Variants in KCTD1 observed in about 807,000 individuals in gnomAD.
The protein encoded by KCTD1 is BTB/POZ domain-containing protein KCTD1.
Under a neutral mutation model 66.0 loss-of-function variants are expected in KCTD1, and 24 were observed. The observed-to-expected ratio is 0.36, with a 90% CI of 0.26 to 0.51. The LOEUF is 0.51. Ranked by LOEUF, KCTD1 falls within the 20% of genes least tolerant of loss-of-function variation. The probability of loss-of-function intolerance (pLI) is 0.95; values close to 1 mark genes in which losing one functional copy is unlikely to be tolerated. For missense variants in KCTD1, 943 were observed against 1,205.2 expected (o/e 0.78, Z 3.22); for synonymous variants, 511 against 517.2 (o/e 0.99, Z 0.16).
chr18:26,606,957 C>T (rs1479375560), intron 1 of KCTD1, among the ~76,000 whole-genome samples: 1 of 151,712 alleles, frequency 6.6e-6, no homozygotes, highest in East Asian at 1.9e-4. Context: ...ACTTATCTTT[C>T]TATCAAGACC....
chr18:26,639,968 C>A (rs372999141), intron 1 of KCTD1, among the ~76,000 whole-genome samples: 1 of 152,122 alleles, frequency 6.6e-6, no homozygotes, highest in African/African-American at 2.4e-5. Flanking sequence ...ATATTCTGAA[C>A]TGGGTTGTCA....
At chr18:26,470,078 C>G (rs1980969680) in intron 3 of KCTD1, among the ~76,000 whole-genome samples, 1 of 152,138 alleles carries the variant, frequency 6.6e-6, no homozygotes, top group South Asian at 2.1e-4. Context: ...GGAACAAGAG[C>G]CTAGTTTGCA....
intron 1 of KCTD1, among the ~76,000 whole-genome samples, chr18:26,505,167 T>C (rs1982967415): frequency 6.6e-6 from 1 of 152,256 alleles, no homozygotes; most frequent in South Asian, 2.1e-4. Context: ...TCATTTGGCT[T>C]GGGGGCCTTG....
At chr18:26,620,393 A>C (rs1987352658) in intron 1 of KCTD1, among the ~76,000 whole-genome samples, 1 of 143,890 alleles carries the variant, frequency 6.9e-6, no homozygotes, top group Non-Finnish European at 1.5e-5. Context: ...AAACTATAAC[A>C]AGTTAGTCTG....
At chr18:26,496,011 T>C (rs1270973335) in intron 2 of KCTD1, among the ~76,000 whole-genome samples, 2 of 152,168 alleles carry the variant, frequency 1.3e-5, no homozygotes, top group East Asian at 3.8e-4. Flanking sequence ...GTATTTTCAT[T>C]ATGCATGTGG....
At chr18:26,554,152 A>G (rs2144862709) in intron 1 of KCTD1, among the ~76,000 whole-genome samples, 1 of 139,050 alleles carries the variant, frequency 7.2e-6, no homozygotes, top group Admixed American at 7.0e-5. Flanking sequence ...CAAGGGAACA[A>G]TTCAGAAGGA....
intron 1 of KCTD1, among the ~76,000 whole-genome samples, chr18:26,509,854 G>A (rs547612805): frequency 1.6e-4 from 24 of 152,294 alleles, no homozygotes; most frequent in African/African-American, 5.8e-4. Flanking sequence ...CCCGCCCCGT[G>A]CGATCTCTGA....
intron 1 of KCTD1, among the ~76,000 whole-genome samples, chr18:26,586,205 T>C (rs748105238): frequency 2.6e-4 from 39 of 152,238 alleles, no homozygotes; most frequent in Non-Finnish European, 4.6e-4. Flanking sequence ...GTGCTCACTT[T>C]GTATCTTTGT....
rs1980871997 is a variant in KCTD1 at position 26,468,519 on chromosome 18, G to A, written c.2133+7996C>T. ...TCTCCCTAACAAACTTAGTGAAAGAGATTCTCTCCTCATGCAAAAAACCAT... is the reference window on the plus strand; with the variant it reads ...TCTCCCTAACAAACTTAGTGAAAGAAATTCTCTCCTCATGCAAAAAACCAT... On this transcript the variant is annotated intron_variant, in intron 3 of 4. Coordinates refer to ENST00000580059, the MANE Select transcript of KCTD1 (RefSeq NM_001142730.3). This position sits in a 1 kb window ranked among gnomAD's most constrained non-coding sequence, Gnocchi z 4.8. Among the ~76,000 whole-genome samples, 1 of 152,102 alleles carries A rather than the reference G, an allele frequency of 6.6e-6. No individual in the cohort carries two copies. Among genetic ancestry groups the A allele is most frequent in the Non-Finnish European group, 1.5e-5 (1 of 68,002 alleles).
At chr18:26,531,503 G>A (rs1255530555) in intron 1 of KCTD1, among the ~76,000 whole-genome samples, 1 of 152,170 alleles carries the variant, frequency 6.6e-6, no homozygotes, top group Non-Finnish European at 1.5e-5. Context: ...TGACAACATT[G>A]TAAGGTATAC....
intron 1 of KCTD1, among the ~76,000 whole-genome samples, chr18:26,582,805 G>GA (rs1568000282): frequency 6.8e-6 from 1 of 148,036 alleles, no homozygotes; most frequent in East Asian, 2.0e-4. Flanking sequence ...ACACCATTTG[G>GA]TTTTTTTTTT....
rs1985291716 is a variant in KCTD1 at position 26,547,300 on chromosome 18, A to C, written c.1237T>G (p.Cys413Gly). 3.2e-6 allele frequency: 5 copies of C among 1,551,622 alleles called. No homozygotes were observed. Among genetic ancestry groups the C allele is most frequent in the Non-Finnish European group, 4.4e-6 (5 of 1,146,954 alleles). The change falls in exon 1 of 5, where the codon TGC becomes GGC. Residue 413 changes from cysteine (C) to glycine (G), a missense_variant. Transcript: ENST00000580059. ...KAFFQRPRDH[C>G]SEGDVTWYEN... The stretch of plus-strand genomic sequence containing the variant: ...TACCAGGTCACATCGCCCTCGCTGC[A>C]GTGGTCCCGGGGCCGCTGGAAGAAC...
At chr18:26,555,365 C>CG (rs1985682730) in intron 1 of KCTD1, among the ~76,000 whole-genome samples, 1 of 152,120 alleles carries the variant, frequency 6.6e-6, no homozygotes, top group African/African-American at 2.4e-5. Context: ...GCGAAGGTTG[C>CG]AATGAGCCGA....
intron 1 of KCTD1, among the ~76,000 whole-genome samples, chr18:26,503,374 T>C (rs1341494876): frequency 6.6e-6 from 1 of 152,160 alleles, no homozygotes; most frequent in Non-Finnish European, 1.5e-5. Context: ...ATACTAAAAG[T>C]AGCATTTTAA....
chr18:26,549,475 G>C, upstream of KCTD1: 1 of 982,220 alleles, frequency 1.0e-6, no homozygotes, highest in Non-Finnish European at 1.2e-6. Context: ...GACTGGGAGG[G>C]GCCGGTGGGA....
chr18:26,490,690 G>T (rs1982148457), intron 2 of KCTD1, among the ~76,000 whole-genome samples: 1 of 152,062 alleles, frequency 6.6e-6, no homozygotes, highest in African/African-American at 2.4e-5. Flanking sequence ...TGTTTGCTCT[G>T]TGCCAGGCAC....
upstream of KCTD1, among the ~76,000 whole-genome samples, chr18:26,550,672 G>T (rs1022011653): frequency 2.6e-5 from 4 of 152,204 alleles, no homozygotes; most frequent in African/African-American, 9.6e-5. This position sits in a 1 kb window ranked among gnomAD's most constrained non-coding sequence, Gnocchi z 5.4. Context: ...TGCGGCGCGG[G>T]AGGTGGCCGG....
chr18:26,645,776 G>A (rs487434), intron 1 of KCTD1, among the ~76,000 whole-genome samples: 21,029 of 151,976 alleles, frequency 0.14, 1,858 homozygotes, highest in Non-Finnish European at 0.19. Flanking sequence ...CTCAAAGTGC[G>A]GTCCCTCGGA....
chr18:26,651,799 A>AAAAGAAGAAGAAGAAG (rs764181233), intron 1 of KCTD1, among the ~76,000 whole-genome samples: 62 of 117,144 alleles, frequency 5.3e-4, no homozygotes, highest in South Asian at 1.3e-3. Context: ...AAAAAAAAAA[A>AAAAGAAGAAGAAGAAG]AAGAAGAAGA....
Sources: allele counts gnomAD v4.1 joint callset (sites outside exome capture counted in the v4.1 genomes callset), GRCh38; gene constraint gnomAD v4.1.1; non-coding constraint Gnocchi (gnomAD v3.1); transcripts MANE v1.5; gene names NCBI Gene and HGNC (gene_info 2026-07-23, HGNC 2026-07-21).